The following TUSC3 variants were observed in gnomAD, a reference collection of about 807,000 sequenced individuals.
The protein encoded by TUSC3 is dolichyl-diphosphooligosaccharide--protein glycosyltransferase subunit TUSC3.
A neutral mutation model predicts 44.8 loss-of-function variants in TUSC3; 45 were observed. That is an observed-to-expected ratio of 1.00 (90% CI 0.79 to 1.29). The LOEUF (loss-of-function observed/expected upper bound fraction) is 1.29, where lower values mean the gene tolerates loss of function less well. TUSC3 is among the 50% of genes most tolerant of loss of function. The pLI is 0.00. For missense variants in TUSC3, 519 were observed against 437.9 expected (o/e 1.19, Z -1.65); for synonymous variants, 212 against 152.9 (o/e 1.39, Z -2.85).
chr8:15,635,067 T>G (rs541404995), intron 2 of TUSC3, among the ~76,000 whole-genome samples: 1 of 151,736 alleles, frequency 6.6e-6, no homozygotes, highest in Admixed American at 6.6e-5. Flanking sequence ...CTTTTTTTTT[T>G]CCCCCCAAAG....
chr8:15,834,833 C>T, the TUSC3 span, among the ~76,000 whole-genome samples: 4 of 152,238 alleles, frequency 2.6e-5, no homozygotes, highest in African/African-American at 9.6e-5. Flanking sequence ...AGGGTTTTTA[C>T]AGTAAGGTTT....
chr8:15,587,947 T>G (rs1403979442), intron 1 of TUSC3, among the ~76,000 whole-genome samples: 1 of 152,190 alleles, frequency 6.6e-6, no homozygotes, highest in Non-Finnish European at 1.5e-5. Flanking sequence ...TGCTACATTT[T>G]CTTTATCCGT....
chr8:15,442,938 T>G (rs1042397360), intron 1 of TUSC3, among the ~76,000 whole-genome samples: 7 of 152,130 alleles, frequency 4.6e-5, no homozygotes, highest in African/African-American at 1.4e-4. Context: ...AACTCCTCAA[T>G]CTGCCTTTAG....
At chr8:15,775,615 CAT>C in the TUSC3 span, among the ~76,000 whole-genome samples, 18 of 135,922 alleles carry the variant, frequency 1.3e-4, no homozygotes, top group Non-Finnish European at 2.2e-4. Flanking sequence ...CATGTATGTA[CAT>C]ATATATATAC....
intron 1 of TUSC3, among the ~76,000 whole-genome samples, chr8:15,459,166 C>A (rs992624863): frequency 6.6e-6 from 1 of 152,062 alleles, no homozygotes; most frequent in Non-Finnish European, 1.5e-5. Flanking sequence ...CATGACAAAG[C>A]TTCATCACTA....
chr8:15,526,657 G>C (rs1006009370), intron 2 of TUSC3, among the ~76,000 whole-genome samples: 2 of 152,100 alleles, frequency 1.3e-5, no homozygotes, highest in African/African-American at 2.4e-5. Flanking sequence ...ATGATTGTGA[G>C]GCCTCTCCAG....
At chr8:15,816,114 G>C in the TUSC3 span, among the ~76,000 whole-genome samples, 33 of 152,296 alleles carry the variant, frequency 2.2e-4, 1 homozygote, top group South Asian at 6.0e-3. Context: ...TCTTTCCCCA[G>C]TTAGCAACTG....
intron 1 of TUSC3, among the ~76,000 whole-genome samples, chr8:15,567,642 G>A (rs1363846996): frequency 6.6e-6 from 1 of 152,088 alleles, no homozygotes; most frequent in Non-Finnish European, 1.5e-5. Context: ...AGTCAAGCAT[G>A]AGAGTGAGCA....
intron 2 of TUSC3, among the ~76,000 whole-genome samples, chr8:15,625,152 A>AT (rs1335643175): frequency 2.0e-5 from 3 of 152,250 alleles, no homozygotes; most frequent in Admixed American, 2.0e-4. Context: ...ACATTGATTG[A>AT]TTTTCAAATG....
chr8:15,443,132 C>A (rs933593194), intron 1 of TUSC3, among the ~76,000 whole-genome samples: 1 of 151,958 alleles, frequency 6.6e-6, no homozygotes, highest in African/African-American at 2.4e-5. Context: ...TAAATAAAAT[C>A]TGACATTTTT....
chr8:15,545,834 G>T (rs1289624866), intron 1 of TUSC3, among the ~76,000 whole-genome samples: 1 of 151,622 alleles, frequency 6.6e-6, no homozygotes, highest in Non-Finnish European at 1.5e-5. Flanking sequence ...ATGTGAGTGT[G>T]GTCTGTTATG....
chr8:15,687,289 T>C (rs1257953120), intron 6 of TUSC3, among the ~76,000 whole-genome samples: 1 of 152,124 alleles, frequency 6.6e-6, no homozygotes, highest in Admixed American at 6.5e-5. Flanking sequence ...GGATACATAA[T>C]ATGATATCGG....
intron 1 of TUSC3, among the ~76,000 whole-genome samples, chr8:15,463,317 A>C (rs183181059): frequency 2.6e-5 from 4 of 152,176 alleles, no homozygotes; most frequent in Admixed American, 2.0e-4. Flanking sequence ...GGAGTCCGTC[A>C]TCACTATGAA....
intron 1 of TUSC3, among the ~76,000 whole-genome samples, chr8:15,581,560 T>A (rs1180863019): frequency 2.7e-5 from 4 of 148,724 alleles, no homozygotes; most frequent in East Asian, 2.0e-4. Context: ...GCTGCAGGTC[T>A]GTTGGAATAC....
chr8:15,647,038 CTCT>C (rs1320279954), intron 2 of TUSC3, among the ~76,000 whole-genome samples: 6 of 152,158 alleles, frequency 3.9e-5, no homozygotes, highest in South Asian at 2.1e-4. Context: ...TCCCCATCAC[CTCT>C]TCTTCTTCTC....
Position 15,556,380 on chromosome 8 carries a change from C to T in TUSC3, c.138+15812C>T, listed in dbSNP as rs566333279. On this transcript the variant is annotated intron_variant, in intron 1 of 10. Transcript: ENST00000503731. The stretch of plus-strand genomic sequence containing the variant: ...AGTATTCCATGGTGTATATGTGCCA[C>T]ATTTTCTTAATCCAGTCTATCATTG... Among the ~76,000 whole-genome samples the T allele has an allele frequency of 5.6e-3, 851 of 151,126 alleles. 26 individuals carry two copies. Among genetic ancestry groups the T allele is most frequent in the Non-Finnish European group, 9.3e-3 (628 of 67,652 alleles).
At chr8:15,562,472 C>T (rs570027641) in intron 1 of TUSC3, among the ~76,000 whole-genome samples, 1 of 152,092 alleles carries the variant, frequency 6.6e-6, no homozygotes, top group Non-Finnish European at 1.5e-5. Flanking sequence ...AAAATTGCCA[C>T]AATTTAGTGG....
the TUSC3 span, among the ~76,000 whole-genome samples, chr8:15,808,249 CAA>C: frequency 1.3e-5 from 2 of 151,930 alleles, no homozygotes; most frequent in East Asian, 1.9e-4. Flanking sequence ...AAGAATTTTT[CAA>C]AGACTTTTTG....
At chr8:15,573,168 T>TCTTTCTCTCTCTCTC (rs1563296867) in intron 1 of TUSC3, among the ~76,000 whole-genome samples, 3 of 85,586 alleles carry the variant, frequency 3.5e-5, no homozygotes, top group African/African-American at 1.5e-4. Context: ...TTCTCTCTCT[T>TCTTTCTCTCTCTCTC]TCTCTCTCTC....
Sources: allele counts gnomAD v4.1 joint callset (sites outside exome capture counted in the v4.1 genomes callset), GRCh38; gene constraint gnomAD v4.1.1; transcripts MANE v1.5; gene names NCBI Gene and HGNC (gene_info 2026-07-23, HGNC 2026-07-21).